KALRN: variants seen among roughly 807,000 people sequenced by gnomAD.
The protein encoded by KALRN is kalirin RhoGEF kinase.
KALRN carries 70 observed loss-of-function variants against 353.7 expected under a neutral mutation model. The observed-to-expected ratio is 0.20, with a 90% CI of 0.16 to 0.24. The LOEUF (loss-of-function observed/expected upper bound fraction) is 0.24, where lower values mean the gene tolerates loss of function less well. KALRN is among the 10% of genes least tolerant of loss of function. KALRN has a pLI of 1.00. For synonymous variants in KALRN, 1,391 were observed against 1,434.8 expected, an observed-to-expected ratio of 0.97 and a Z score of 0.69; for missense variants, 2,791 against 3,756.7, an observed-to-expected ratio of 0.74 and a Z score of 6.72.
intron 13 of KALRN, among the ~76,000 whole-genome samples, chr3:124,410,460 C>T (rs1366337473): frequency 6.6e-6 from 1 of 152,136 alleles, no homozygotes; most frequent in Non-Finnish European, 1.5e-5. Context: ...GAACTTACAT[C>T]TAGAATATAT....
At chr3:124,418,241 A>T (rs1191059882) in intron 14 of KALRN, among the ~76,000 whole-genome samples, 1 of 152,140 alleles carries the variant, frequency 6.6e-6, no homozygotes, top group Non-Finnish European at 1.5e-5. Context: ...AGAAACCTTG[A>T]TGTAGAACAA....
chr3:124,670,745 G>A (rs1290134481), intron 47 of KALRN, among the ~76,000 whole-genome samples: 2 of 152,208 alleles, frequency 1.3e-5, no homozygotes, highest in Non-Finnish European at 2.9e-5. Flanking sequence ...AATTGGACCT[G>A]TATGACATTT....
At chr3:124,547,921 G>A (rs1221321245) in intron 33 of KALRN, among the ~76,000 whole-genome samples, 2 of 152,112 alleles carry the variant, frequency 1.3e-5, no homozygotes, top group Admixed American at 6.5e-5. Context: ...GGGGGCATAG[G>A]AGCCTTCTCA....
Position 124,438,970 on chromosome 3 carries a change from C to A in KALRN, c.3131C>A (p.Ala1044Glu). 6.2e-7 allele frequency: 1 copy of A among 1,614,118 alleles called. No homozygotes were observed. The highest frequency in any genetic ancestry group is 1.7e-5 in the Admixed American group (1 of 60,018). The change falls in exon 18 of 60, where the codon GCA (alanine) becomes GAA (glutamate). Residue 1044 changes from alanine to glutamate, a missense_variant. Ala to Glu is a moderately radical substitution (Grantham distance 107, BLOSUM62 -1). Transcript: ENST00000682506. ...GGTGGACGAGATAAGCTGGGGCCAG[C>A]AGCAGAGATCGACCATGTCATTCCC... ...WCGGRDKLGP[A>E]AEIDHVIPLI... is the part of the protein sequence containing the mutation.
At chr3:124,354,198 TG>T (rs2083135892) in intron 10 of KALRN, among the ~76,000 whole-genome samples, 1 of 152,176 alleles carries the variant, frequency 6.6e-6, no homozygotes, top group Admixed American at 6.5e-5. Context: ...CAGAAGAAAT[TG>T]GGGTTTTATT....
Position 124,446,258 on chromosome 3 carries a change from C to A in KALRN, c.3411C>A (p.Phe1137Leu), listed in dbSNP as rs776467881. ...RLDQCQQYVV[F>L]ERSAKQALDW... ...ACCAATGCCAGCAATATGTGGTGTT[C>A]GAGCGCAGCGCTAAGCAGGTTGTCC... Residue 1137 changes from phenylalanine (F) to leucine (L), a missense_variant, in exon 20 of 60, where the codon TTC becomes TTA. Phe to Leu is a conservative substitution (Grantham distance 22). This residue lies in a region of KALRN where 268 missense variants were observed against 347.0 expected (regional missense o/e 0.77). Coordinates refer to ENST00000682506, the MANE Select transcript of KALRN (RefSeq NM_001388419.1). The A allele has an allele frequency of 1.9e-6, 3 of 1,613,512 alleles. No homozygotes were observed. The highest frequency in any genetic ancestry group is 1.3e-5 in the African/African-American group (1 of 75,030).
intron 37 of KALRN, among the ~76,000 whole-genome samples, chr3:124,649,408 A>G (rs949978969): frequency 6.6e-6 from 1 of 152,168 alleles, no homozygotes; most frequent in African/African-American, 2.4e-5. Flanking sequence ...CCTTAGGGCT[A>G]ATGTTTTCAA....
intron 5 of KALRN, among the ~76,000 whole-genome samples, chr3:124,276,952 C>T (rs138418563): frequency 6.6e-5 from 10 of 152,306 alleles, no homozygotes; most frequent in South Asian, 4.1e-4. Context: ...CACACATGTG[C>T]GCATGCACAC....
At chr3:124,689,321 C>G (rs757232529) in intron 51 of KALRN, among the ~76,000 whole-genome samples, 1 of 152,098 alleles carries the variant, frequency 6.6e-6, no homozygotes, top group Non-Finnish European at 1.5e-5. Flanking sequence ...CTCAGGCAAT[C>G]CTCCCACCTC....
rs2068098209 is a variant in KALRN at position 124,532,175 on chromosome 3, A to G, written c.4936-30668A>G. Among the ~76,000 whole-genome samples the G allele has an allele frequency of 4.6e-5, 7 of 152,240 alleles. No homozygotes were observed. The South Asian group carries it at 1.4e-3, about 31-fold the overall frequency. On this transcript the variant is annotated intron_variant, in intron 33 of 59. Transcript: ENST00000682506. Reference sequence around the variant, plus strand: ...GAACTTACTGAATCCCCAATAGCAGAGTCACTGACCAATGTTGCAAAGCAT... The same window carrying G: ...GAACTTACTGAATCCCCAATAGCAGGGTCACTGACCAATGTTGCAAAGCAT...
At chr3:124,249,858 G>A (rs1204042488) in intron 3 of KALRN, among the ~76,000 whole-genome samples, 1 of 152,158 alleles carries the variant, frequency 6.6e-6, no homozygotes, top group Non-Finnish European at 1.5e-5. Flanking sequence ...GACCTCCCTT[G>A]TAATTCCCAG....
chr3:124,667,349 A>G (rs1193938311), intron 47 of KALRN, among the ~76,000 whole-genome samples, 166 bp downstream of exon 47: 1 of 152,214 alleles, frequency 6.6e-6, no homozygotes, highest in African/African-American at 2.4e-5. Context: ...GAAGCTGAAT[A>G]CACAAGCACA....
intron 33 of KALRN, among the ~76,000 whole-genome samples, chr3:124,561,728 C>T (rs2072036146): frequency 6.6e-6 from 1 of 152,146 alleles, no homozygotes; most frequent in Non-Finnish European, 1.5e-5. Context: ...AAGGACTTTG[C>T]CTCCAAACTG....
chr3:124,694,453 G>C lies in KALRN; in HGVS notation c.7527G>C (p.Gln2509His). The C allele has an allele frequency of 1.2e-6, 2 of 1,614,154 alleles. No individual in the cohort carries two copies. The highest frequency in any genetic ancestry group is 1.7e-6 in the Non-Finnish European group (2 of 1,180,020). The change falls in exon 53 of 60, where the codon CAG (glutamine) becomes CAC (histidine). Residue 2509 changes from glutamine to histidine, a missense_variant. Physicochemically the swap from Gln to His is conservative, Grantham distance 24. This residue lies in a region of KALRN where 1,065 missense variants were observed against 1,156.4 expected (regional missense o/e 0.92). Transcript: ENST00000682506. ...CCATCACTTGGAAGGGTCCAGACCA[G>C]AACATCCTTGACACTGATAACAGCT... Reference protein sequence around the residue: ...KPTITWKGPDQNILDTDNSSA... With the variant: ...KPTITWKGPDHNILDTDNSSA...
intron 34 of KALRN, among the ~76,000 whole-genome samples, chr3:124,594,048 G>T (rs1243258777): frequency 6.6e-6 from 1 of 152,026 alleles, no homozygotes; most frequent in African/African-American, 2.4e-5. Context: ...CAAAACTTAG[G>T]CAAACAAAAA....
chr3:124,640,813 T>C (rs761507141), intron 37 of KALRN, among the ~76,000 whole-genome samples: 2 of 152,176 alleles, frequency 1.3e-5, no homozygotes, highest in South Asian at 2.1e-4. Context: ...AACTCTTTAT[T>C]ACCCCAGAGG....
chr3:124,258,208 G>A (rs2072318923), intron 3 of KALRN, among the ~76,000 whole-genome samples: 1 of 152,148 alleles, frequency 6.6e-6, no homozygotes, highest in Admixed American at 6.6e-5. Context: ...AGCAGCCTCT[G>A]ATGTCTGTGG....
intron 33 of KALRN, 57 bp downstream of exon 33, chr3:124,496,470 C>A (rs1170333888): frequency 2.4e-6 from 3 of 1,251,448 alleles, no homozygotes; most frequent in East Asian, 4.6e-5. Context: ...TCAACCACCC[C>A]TGGAGAGGTA....
At chr3:124,577,884 AACAAACAAAAC>A (rs2074271103) in intron 34 of KALRN, among the ~76,000 whole-genome samples, 3 of 152,084 alleles carry the variant, frequency 2.0e-5, no homozygotes, top group African/African-American at 7.2e-5. Flanking sequence ...CAAACAAACA[AACAAACAAAAC>A]CCCCCACCAT....
Sources: allele counts gnomAD v4.1 joint callset (sites outside exome capture counted in the v4.1 genomes callset), GRCh38; gene constraint gnomAD v4.1.1; regional missense constraint gnomAD v4.1.1; transcripts MANE v1.5; gene names NCBI Gene and HGNC (gene_info 2026-07-23, HGNC 2026-07-21).